RUNX1T1: variants seen among roughly 807,000 people sequenced by gnomAD.
RUNX1T1 encodes RUNX1 partner transcriptional co-repressor 1.
In RUNX1T1, 4 loss-of-function variants were observed where a neutral mutation model predicts 62.8. That is an observed-to-expected ratio of 0.06 (90% confidence interval 0.03 to 0.15). RUNX1T1 has a LOEUF of 0.15. Ranked by LOEUF, RUNX1T1 falls within the 10% of genes least tolerant of loss-of-function variation. The pLI is 1.00. For missense variants in RUNX1T1, 508 were observed against 754.3 expected (o/e 0.67, Z 3.82); for synonymous variants, 291 against 286.0 (o/e 1.02, Z -0.18).
intron 1 of RUNX1T1, among the ~76,000 whole-genome samples, chr8:92,041,887 C>T (rs181514814): frequency 1.6e-4 from 23 of 142,872 alleles, no homozygotes; most frequent in Middle Eastern, 4.3e-3. Context: ...GGTGAGATCT[C>T]GGCTTACTGC....
At chr8:92,060,522 A>AATATATATATATATATATAT (rs61066655) in intron 1 of RUNX1T1, among the ~76,000 whole-genome samples, 27 of 76,282 alleles carry the variant, frequency 3.5e-4, no homozygotes, top group Non-Finnish European at 5.0e-4. Flanking sequence ...TCAACTACCA[A>AATATATATATATATATATAT]ATATATATAT....
intron 1 of RUNX1T1, among the ~76,000 whole-genome samples, chr8:92,096,777 A>G (rs1837782378): frequency 6.6e-6 from 1 of 152,136 alleles, no homozygotes; most frequent in Non-Finnish European, 1.5e-5. Flanking sequence ...CTAGAAAGGA[A>G]TAAAATGGGG....
intron 8 of RUNX1T1, chr8:91,977,475 C>A (rs2130722146): frequency 5.2e-6 from 1 of 192,470 alleles, no homozygotes; most frequent in South Asian, 1.9e-4. Flanking sequence ...GCATAAACAA[C>A]CTAAAAGGAA....
At chr8:92,072,189 C>T (rs1247223165) in intron 2 of RUNX1T1, among the ~76,000 whole-genome samples, 3 of 152,050 alleles carry the variant, frequency 2.0e-5, no homozygotes, top group Admixed American at 2.0e-4. Flanking sequence ...AAAGAAGGCT[C>T]ACCAAGAAAT....
At chr8:92,053,901 A>G (rs2130440272) in intron 1 of RUNX1T1, among the ~76,000 whole-genome samples, 1 of 152,238 alleles carries the variant, frequency 6.6e-6, no homozygotes, top group Non-Finnish European at 1.5e-5. Context: ...TATCAAGGGG[A>G]GTTGATGATG....
chr8:92,062,659 T>C, exon 1 of RUNX1T1: 2 of 1,604,134 alleles, frequency 1.2e-6, no homozygotes, highest in Non-Finnish European at 1.7e-6. Flanking sequence ...AGGAGGGCCA[T>C]CAGAGGGGCT....
intron 1 of RUNX1T1, among the ~76,000 whole-genome samples, chr8:92,076,444 G>A (rs568703881): frequency 6.6e-6 from 1 of 151,990 alleles, no homozygotes; most frequent in Non-Finnish European, 1.5e-5. Context: ...TACCCTAAGA[G>A]AATGTTACAT....
chr8:91,981,404 CTTTTTTTTTTTT>C (rs67366711), intron 8 of RUNX1T1, among the ~76,000 whole-genome samples: 7 of 63,844 alleles, frequency 1.1e-4, no homozygotes, highest in African/African-American at 1.9e-4. Flanking sequence ...AGTTACTAAG[CTTTTTTTTTTTT>C]TTTTTTTTTT....
At chr8:91,970,607 CTAAT>C (rs1163073844) in intron 10 of RUNX1T1, 47 bp downstream of exon 11, 5 of 1,468,408 alleles carry the variant, frequency 3.4e-6, no homozygotes, top group African/African-American at 1.4e-5. Flanking sequence ...AATGAGCACT[CTAAT>C]GAATGAAAAC....
chr8:91,995,303 T>C (rs1818451085), intron 5 of RUNX1T1, among the ~76,000 whole-genome samples: 1 of 152,174 alleles, frequency 6.6e-6, no homozygotes, highest in South Asian at 2.1e-4. Context: ...CCCAATTAAA[T>C]GGGAGGTAAA....
At chr8:91,983,076 C>T (rs1035930098) in intron 8 of RUNX1T1, among the ~76,000 whole-genome samples, 3 of 150,904 alleles carry the variant, frequency 2.0e-5, no homozygotes, top group East Asian at 2.0e-4. Context: ...TACAGGCATG[C>T]GCCACCATGC....
chr8:91,996,848 G>A (rs983008862), intron 5 of RUNX1T1, among the ~76,000 whole-genome samples: 2 of 151,752 alleles, frequency 1.3e-5, no homozygotes, highest in Non-Finnish European at 2.9e-5. Flanking sequence ...GAGGCTGGAC[G>A]CAGTGGCTCA....
intron 10 of RUNX1T1, among the ~76,000 whole-genome samples, chr8:91,960,973 T>C (rs982837363): frequency 2.0e-5 from 3 of 152,256 alleles, no homozygotes; most frequent in Admixed American, 6.5e-5. Flanking sequence ...ACCATATCTA[T>C]ATTGGATTCA....
At chr8:91,996,776 C>T (rs1406388058) in intron 5 of RUNX1T1, among the ~76,000 whole-genome samples, 10 of 150,904 alleles carry the variant, frequency 6.6e-5, no homozygotes, top group African/African-American at 2.2e-4. Flanking sequence ...TTTTCCAGCT[C>T]CTCAATAACA....
chr8:91,970,913 C>T (rs989496631), intron 9 of RUNX1T1, 65 bp from the exon 11 acceptor site: 49 of 1,321,912 alleles, frequency 3.7e-5, no homozygotes, highest in Non-Finnish European at 4.1e-5. Context: ...TCATTGGATA[C>T]GGATTACTTT....
In RUNX1T1 at chr8:92,041,614, C is replaced by T. The variant is rs545884946; in HGVS notation, c.7+20932G>A. Among the ~76,000 whole-genome samples the T allele has an allele frequency of 1.5e-4, 23 of 152,054 alleles. No homozygotes were observed. The South Asian group carries it at 3.9e-3, about 26-fold the overall frequency. On this transcript the variant is annotated intron_variant, in intron 1 of 10. Transcript: ENST00000396218. ...AAAATTAGCTGGGCGTGGTGGCATG[C>T]GCCTGTAACCCCAGCTACTCGGGAG...
chr8:92,080,707 C>A (rs539225271), intron 1 of RUNX1T1, among the ~76,000 whole-genome samples: 1 of 152,348 alleles, frequency 6.6e-6, no homozygotes, highest in East Asian at 1.9e-4. Context: ...AATGCCCATA[C>A]CCAGTGCCTA....
At chr8:92,017,689 A>G in intron 1 of RUNX1T1, 1 of 1,215,110 alleles carries the variant, frequency 8.2e-7, no homozygotes, top group African/African-American at 1.5e-5. Flanking sequence ...CAAGAGGTAG[A>G]AAATAGATGA....
intron 1 of RUNX1T1, among the ~76,000 whole-genome samples, chr8:92,089,055 G>A (rs1170268781): frequency 6.6e-6 from 1 of 152,136 alleles, no homozygotes; most frequent in Admixed American, 6.5e-5. Flanking sequence ...TCTAATGTCA[G>A]ATGAAAATAT....
Sources: gnomAD v4.1 joint callset for allele counts (sites outside exome capture counted in the v4.1 genomes callset) on GRCh38, gnomAD v4.1.1 for gene constraint, MANE v1.5 for transcripts, NCBI Gene and HGNC (gene_info 2026-07-23, HGNC 2026-07-21) for gene names.